FRMD4A: variants seen among roughly 807,000 people sequenced by gnomAD.
FRMD4A encodes the protein FERM domain containing 4A.
FRMD4A carries 29 observed loss-of-function variants against 129.1 expected under a neutral mutation model. That is an observed-to-expected ratio of 0.22 (90% CI 0.17 to 0.31). The LOEUF (loss-of-function observed/expected upper bound fraction) is 0.31, where lower values mean the gene tolerates loss of function less well. Ranked by LOEUF, FRMD4A falls within the 10% of genes least tolerant of loss-of-function variation. The pLI is 1.00. For missense variants in FRMD4A, 1,272 were observed against 1,375.8 expected, an observed-to-expected ratio of 0.92 and a Z score of 1.19; for synonymous variants, 634 against 571.6, an observed-to-expected ratio of 1.11 and a Z score of -1.56.
intron 2 of FRMD4A, among the ~76,000 whole-genome samples, chr10:13,918,093 A>C (rs1050190105): frequency 1.2e-4 from 19 of 152,216 alleles, no homozygotes; most frequent in African/African-American, 4.6e-4. Context: ...CTTCCCCAGC[A>C]CTGAGATTTA....
intron 3 of FRMD4A, among the ~76,000 whole-genome samples, chr10:13,850,138 T>C (rs985717457): frequency 1.3e-5 from 2 of 151,782 alleles, no homozygotes; most frequent in African/African-American, 4.8e-5. Context: ...GAGGTGGAGG[T>C]TGCAATAAGC....
intron 12 of FRMD4A, among the ~76,000 whole-genome samples, chr10:13,718,210 C>A (rs2089040808): frequency 6.6e-6 from 1 of 152,232 alleles, no homozygotes; most frequent in Admixed American, 6.5e-5. Flanking sequence ...GAGCTCCAGG[C>A]TCCCCTGGTT....
chr10:13,672,039 C>A (rs1405872786), intron 16 of FRMD4A, among the ~76,000 whole-genome samples: 1 of 152,260 alleles, frequency 6.6e-6, no homozygotes, highest in Non-Finnish European at 1.5e-5. Flanking sequence ...GGCCCTTCTT[C>A]TCCAACTGCT....
chr10:13,944,959 C>T (rs1409229567), intron 2 of FRMD4A, among the ~76,000 whole-genome samples: 1 of 152,124 alleles, frequency 6.6e-6, no homozygotes, highest in Non-Finnish European at 1.5e-5. Flanking sequence ...TCAGGTTGAG[C>T]CATATTTATG....
chr10:13,983,102 A>G (rs1489010291), intron 2 of FRMD4A, among the ~76,000 whole-genome samples: 1 of 152,136 alleles, frequency 6.6e-6, no homozygotes, highest in Non-Finnish European at 1.5e-5. Context: ...CTGGGGCTAT[A>G]GGCGTGTGCC....
intron 2 of FRMD4A, among the ~76,000 whole-genome samples, chr10:14,300,990 G>A (rs1846166335): frequency 6.6e-6 from 1 of 152,178 alleles, no homozygotes; most frequent in African/African-American, 2.4e-5. Context: ...TGTTGTATTA[G>A]TTATCTAACC....
chr10:13,897,061 A>G (rs1346919370), intron 2 of FRMD4A, among the ~76,000 whole-genome samples: 1 of 152,254 alleles, frequency 6.6e-6, no homozygotes, highest in African/African-American at 2.4e-5. Flanking sequence ...CATTCCAAAA[A>G]TGGAACACTA....
chr10:13,706,749 GACACACACACACACAC>G (rs3031967), intron 13 of FRMD4A, among the ~76,000 whole-genome samples: 7 of 146,528 alleles, frequency 4.8e-5, no homozygotes, highest in Admixed American at 6.9e-5. Flanking sequence ...CACATACACT[GACACACACACACACAC>G]ACACACACAC....
At chr10:14,327,511 C>T (rs1843324433) in intron 2 of FRMD4A, among the ~76,000 whole-genome samples, 1 of 152,160 alleles carries the variant, frequency 6.6e-6, no homozygotes, top group Non-Finnish European at 1.5e-5. Context: ...AGGGACATTC[C>T]CAGGATCACT....
intron 5 of FRMD4A, among the ~76,000 whole-genome samples, chr10:13,791,347 A>G (rs2092994965): frequency 6.6e-6 from 1 of 152,106 alleles, no homozygotes; most frequent in African/African-American, 2.4e-5. Flanking sequence ...AACCAACCTG[A>G]AGTTGCATGA....
chr10:13,818,386 T>A (rs1231451213), intron 3 of FRMD4A, among the ~76,000 whole-genome samples: 1 of 152,168 alleles, frequency 6.6e-6, no homozygotes, highest in Admixed American at 6.6e-5. Flanking sequence ...CCCAGGCTGG[T>A]CTTGAACTCC....
At chr10:13,987,367 C>T (rs900598813) in intron 2 of FRMD4A, among the ~76,000 whole-genome samples, 3 of 151,998 alleles carry the variant, frequency 2.0e-5, no homozygotes, top group African/African-American at 4.8e-5. Flanking sequence ...AAAGTTAAAT[C>T]GTGAAAAGAA....
At chr10:14,017,692 G>A (rs910560238) in intron 2 of FRMD4A, among the ~76,000 whole-genome samples, 1 of 152,088 alleles carries the variant, frequency 6.6e-6, no homozygotes, top group South Asian at 2.1e-4. Flanking sequence ...CTTTCTTTAG[G>A]GCCATCAGAT....
intron 2 of FRMD4A, among the ~76,000 whole-genome samples, chr10:14,272,291 TC>T (rs978376513): frequency 6.6e-6 from 1 of 151,956 alleles, no homozygotes; most frequent in Non-Finnish European, 1.5e-5. Context: ...CATGTCACTT[TC>T]CCCCACAACC....
chr10:13,685,324 C>T (rs1051652969), intron 15 of FRMD4A: 12 of 984,904 alleles, frequency 1.2e-5, no homozygotes, highest in African/African-American at 1.7e-5. Context: ...GGCTCACTGG[C>T]ACTCGGTGAA....
At chr10:13,850,718 G>A (rs2094129098) in intron 3 of FRMD4A, among the ~76,000 whole-genome samples, 1 of 152,136 alleles carries the variant, frequency 6.6e-6, no homozygotes, top group Admixed American at 6.6e-5. Context: ...GTGAATCTTG[G>A]GTTTTTATTA....
chr10:13,993,854 A>ATTT (rs1565164671), intron 2 of FRMD4A, among the ~76,000 whole-genome samples: 15 of 149,656 alleles, frequency 1.0e-4, no homozygotes, highest in African/African-American at 2.8e-4. Context: ...TTTTTTTTTA[A>ATTT]AAAAATATAT....
chr10:13,838,633 C>T (rs1176233172), intron 3 of FRMD4A, among the ~76,000 whole-genome samples: 2 of 152,160 alleles, frequency 1.3e-5, no homozygotes, highest in Non-Finnish European at 2.9e-5. Context: ...GCTGGGATTA[C>T]AGGCATGTGC....
intron 2 of FRMD4A, among the ~76,000 whole-genome samples, chr10:14,241,384 G>A (rs747661230): frequency 5.9e-5 from 9 of 152,050 alleles, no homozygotes; most frequent in African/African-American, 9.7e-5. Context: ...AAAGCTTCTA[G>A]AACCTTTTTT....
Sources: gnomAD v4.1 joint callset for allele counts (sites outside exome capture counted in the v4.1 genomes callset) on GRCh38, gnomAD v4.1.1 for gene constraint, MANE v1.5 for transcripts, NCBI Gene and HGNC (gene_info 2026-07-23, HGNC 2026-07-21) for gene names.